Variants in LARS1 observed in about 807,000 individuals in gnomAD.
The protein encoded by LARS1 is leucyl-tRNA synthetase 1, also known as leucine--tRNA ligase, cytoplasmic.
A neutral mutation model predicts 162.8 loss-of-function variants in LARS1; 100 were observed. The ratio of observed to expected loss-of-function variants is 0.61; its 90% CI spans 0.52 to 0.73. LARS1 has a LOEUF of 0.73. Ranked by LOEUF, LARS1 falls within the 30% of genes least tolerant of loss-of-function variation. The pLI, the probability that LARS1 is intolerant of heterozygous loss-of-function variation, is 0.00. For missense variants in LARS1, 1,258 were observed against 1,408.9 expected (o/e 0.89, Z 1.71); for synonymous variants, 457 against 462.8 (o/e 0.99, Z 0.16).
At chr5:146,138,905 C>A in intron 21 of LARS1, 1 of 303,744 alleles carries the variant, frequency 3.3e-6, no homozygotes. Flanking sequence ...GTAACTCAGG[C>A]CCACGGGAAC....
At chr5:146,161,823 T>C (rs1753794042) in intron 6 of LARS1, among the ~76,000 whole-genome samples, 1 of 152,160 alleles carries the variant, frequency 6.6e-6, no homozygotes, top group African/African-American at 2.4e-5. Context: ...AAAGTTTATG[T>C]GATATTCAAA....
intron 8 of LARS1, 147 bp from the exon 9 acceptor site, chr5:146,157,942 T>A: frequency 1.4e-6 from 1 of 728,396 alleles, no homozygotes; most frequent in South Asian, 1.8e-5. Context: ...GCCAGTGGTG[T>A]GCTAACTATA....
At chr5:146,150,942 G>GAAAAACACAC (rs1753255937) in intron 14 of LARS1, among the ~76,000 whole-genome samples, 1 of 134,808 alleles carries the variant, frequency 7.4e-6, no homozygotes, top group Non-Finnish European at 1.6e-5. Context: ...CCGTCAGATA[G>GAAAAACACAC]ACACACACAC....
intron 31 of LARS1, among the ~76,000 whole-genome samples, chr5:146,114,837 A>T (rs1764128537): frequency 6.6e-6 from 1 of 151,648 alleles, no homozygotes; most frequent in Non-Finnish European, 1.5e-5. Flanking sequence ...CGAGGTCCGG[A>T]GATCGAGACC....
At chr5:146,153,625 T>G in intron 12 of LARS1, 109 bp downstream of exon 12, 1 of 770,470 alleles carries the variant, frequency 1.3e-6, no homozygotes. Context: ...GAGATAGCAG[T>G]TTAAAGATAA....
intron 31 of LARS1, among the ~76,000 whole-genome samples, chr5:146,119,638 G>A (rs541983771): frequency 6.6e-6 from 1 of 152,208 alleles, no homozygotes; most frequent in South Asian, 2.1e-4. Context: ...CTCACCGTAG[G>A]ACCTGGCTGG....
Position 146,113,560 on chromosome 5 carries a change from A to G in LARS1, c.*546T>C, listed in dbSNP as rs1764069273. 1 of 152,560 alleles carries G rather than the reference A, an allele frequency of 6.6e-6. No individual in the cohort carries two copies. The highest frequency in any genetic ancestry group is 1.5e-5 in the Non-Finnish European group (1 of 68,298). 9.5% of individuals were successfully genotyped at this position (152,560 alleles called of 1,614,324 possible). On this transcript the variant is annotated 3_prime_UTR_variant, in exon 32 of 32. Transcript: ENST00000394434. ...TAATTAAAGCTTTAAAAAGTCTTAT[A>G]AAATGCAGGACCTATTTGTTCTTTA... is the stretch of plus-strand genomic sequence containing the variant.
intron 28 of LARS1, 94 bp from the exon 29 acceptor site, chr5:146,124,180 T>C: frequency 1.3e-6 from 1 of 793,048 alleles, no homozygotes; most frequent in Non-Finnish European, 2.2e-6. Context: ...TCTCAACTGA[T>C]AAAATCTTCA....
intron 30 of LARS1, among the ~76,000 whole-genome samples, chr5:146,121,184 C>T (rs17104254): frequency 0.011 from 1,731 of 152,224 alleles, 119 homozygotes; most frequent in Admixed American, 0.094. Context: ...GAGCATATTC[C>T]TTACATGATG....
At position 146,126,494 on chromosome 5, in the gene LARS1, T is replaced by C. The variant is rs1752050769; in HGVS notation, c.2932A>G (p.Ser978Gly). The C allele has an allele frequency of 3.1e-6, 5 of 1,612,526 alleles. No individual in the cohort carries two copies. In the East Asian group the frequency reaches 1.1e-4, roughly 36 times the overall value. Residue 978 changes from serine to glycine, a missense_variant, in exon 28 of 32, where the codon AGT becomes GGT. Transcript: ENST00000394434. The stretch of plus-strand genomic sequence containing the variant: ...ATGTATTTCTTCAGTTCTGGCATAC[T>C]GCCTAGTTCACTAGCAATGACTTTG... ...DNKVIASELG[S>G]MPELKKYMKK...
At chr5:146,163,475 C>T (rs1024360130) in intron 6 of LARS1, among the ~76,000 whole-genome samples, 2 of 152,140 alleles carry the variant, frequency 1.3e-5, no homozygotes, top group African/African-American at 2.4e-5. Context: ...CACCTGAGGT[C>T]AGGAGTTCAA....
chr5:146,119,704 G>A (rs1751734063), intron 31 of LARS1, among the ~76,000 whole-genome samples: 1 of 152,082 alleles, frequency 6.6e-6, no homozygotes, highest in South Asian at 2.1e-4. Context: ...AAAAGATGCA[G>A]ACTTATTCTT....
At chr5:146,137,744 T>C in intron 21 of LARS1, 1 of 283,736 alleles carries the variant, frequency 3.5e-6, no homozygotes, top group Non-Finnish European at 7.0e-6. Flanking sequence ...GCAGGACTTC[T>C]AAAAGGAAAT....
At chr5:146,130,853 A>G (rs1474994405) in intron 24 of LARS1, 166 bp downstream of exon 24, 1 of 461,366 alleles carries the variant, frequency 2.2e-6, no homozygotes, top group African/African-American at 2.0e-5. Context: ...TACCAAAGAT[A>G]ATAACTTAAA....
At chr5:146,147,545 C>T (rs533767212) in intron 15 of LARS1, among the ~76,000 whole-genome samples, 3 of 152,032 alleles carry the variant, frequency 2.0e-5, no homozygotes, top group East Asian at 1.9e-4. Flanking sequence ...ATTTTCCATA[C>T]GATTCTTTAA....
chr5:146,159,364 T>C (rs1230842683), intron 8 of LARS1, 43 bp downstream of exon 8: 1 of 1,466,594 alleles, frequency 6.8e-7, no homozygotes, highest in South Asian at 1.2e-5. Flanking sequence ...TATAGTCTTA[T>C]TAAGGATTAT....
rs1751770547 is a variant in LARS1, at chr5:146,120,507, G to A, written c.3193-4C>T. 6.2e-7 allele frequency: 1 copy of A among 1,606,614 alleles called. No homozygotes were observed. Among genetic ancestry groups the A allele is most frequent in the Non-Finnish European group, 8.5e-7 (1 of 1,177,452 alleles). On this transcript the variant is annotated splice_polypyrimidine_tract_variant and splice_region_variant and intron_variant, in intron 30 of 31. Transcript: ENST00000394434. ...CCAGAGAAACGGACACACCAGGCTAGGAAAACAACAAGAAAATGATTGTTT... is the reference window on the plus strand; with the variant it reads ...CCAGAGAAACGGACACACCAGGCTAAGAAAACAACAAGAAAATGATTGTTT...
At chr5:146,157,876 T>G in intron 8 of LARS1, 81 bp from the exon 9 acceptor site, 1 of 1,364,260 alleles carries the variant, frequency 7.3e-7, no homozygotes, top group Non-Finnish European at 1.0e-6. Context: ...GAGATCTGAT[T>G]CAAGTCCCTA....
At chr5:146,136,446 A>T (rs1397625764) in intron 21 of LARS1, among the ~76,000 whole-genome samples, 1 of 152,068 alleles carries the variant, frequency 6.6e-6, no homozygotes, top group African/African-American at 2.4e-5. Context: ...CTGTGCTTCT[A>T]AACAGCAGTT....
Sources: gnomAD v4.1 joint callset for allele counts (sites outside exome capture counted in the v4.1 genomes callset) on GRCh38, gnomAD v4.1.1 for gene constraint, MANE v1.5 for transcripts, NCBI Gene and HGNC (gene_info 2026-07-23, HGNC 2026-07-21) for gene names.